Variants in KCNIP4 observed in about 807,000 individuals in gnomAD.
The protein encoded by KCNIP4 is Kv channel-interacting protein 4.
In KCNIP4, 12 loss-of-function variants were observed where a neutral mutation model predicts 34.0. The observed-to-expected ratio is 0.35, with a 90% confidence interval of 0.23 to 0.57. The LOEUF is 0.57. Ranked by LOEUF, KCNIP4 falls within the 20% of genes least tolerant of loss-of-function variation. KCNIP4 has a pLI of 0.83. For missense variants in KCNIP4, 238 were observed against 311.7 expected (o/e 0.76, Z 1.78); for synonymous variants, 124 against 102.2 (o/e 1.21, Z -1.29).
In KCNIP4 at chr4:21,948,751, C is replaced by G. The variant is rs918093641; in HGVS notation, c.-120G>C. On this transcript the variant is annotated 5_prime_UTR_variant, in exon 1 of 9. Coordinates refer to ENST00000382152, the MANE Select transcript of KCNIP4 (RefSeq NM_025221.6). The stretch of plus-strand genomic sequence containing the variant: ...CCGGGGGCGTCCGTGGCGCTGGGAG[C>G]GAGAGCTTCGGCGGCGGCTGCGGGC... 8.2e-5 allele frequency: 99 copies of G among 1,204,188 alleles called. No homozygotes were observed. Among genetic ancestry groups the G allele is most frequent in the Non-Finnish European group, 9.6e-5 (92 of 958,124 alleles). The allele number at this position is 1,204,188 out of a possible 1,614,324, so 74.6% of individuals were successfully genotyped here. A position where few individuals can be genotyped will look rare whatever the true frequency, so the allele number is the denominator to read the frequency against.
At chr4:21,300,840 A>G (rs747084659) in intron 1 of KCNIP4, among the ~76,000 whole-genome samples, 19 of 152,114 alleles carry the variant, frequency 1.2e-4, no homozygotes, top group Non-Finnish European at 1.9e-4. Flanking sequence ...TCAAATTTTA[A>G]TTTCCTGTTA....
intron 1 of KCNIP4, among the ~76,000 whole-genome samples, chr4:21,202,004 T>C (rs1053092462): frequency 6.6e-6 from 1 of 152,226 alleles, no homozygotes; most frequent in Non-Finnish European, 1.5e-5. Flanking sequence ...AGAGAATGCT[T>C]ATGCACTATT....
At chr4:20,863,012 A>C (rs1484920526) in intron 2 of KCNIP4, among the ~76,000 whole-genome samples, 1 of 152,060 alleles carries the variant, frequency 6.6e-6, no homozygotes, top group Admixed American at 6.6e-5. Context: ...AAAAATAACT[A>C]ATCAGTACTA....
intron 1 of KCNIP4, among the ~76,000 whole-genome samples, chr4:21,106,237 G>T (rs138557695): frequency 0.14 from 21,807 of 151,512 alleles, 1,891 homozygotes; most frequent in East Asian, 0.23. Flanking sequence ...GGACTCTTTG[G>T]TTGGTAAGCT....
At chr4:21,438,124 T>C (rs1027518030) in intron 1 of KCNIP4, among the ~76,000 whole-genome samples, 4 of 152,180 alleles carry the variant, frequency 2.6e-5, no homozygotes, top group Non-Finnish European at 4.4e-5. Context: ...AAAGTTTCTG[T>C]CTTATAAATC....
chr4:21,542,705 T>C (rs1444676059), intron 1 of KCNIP4, among the ~76,000 whole-genome samples: 3 of 150,310 alleles, frequency 2.0e-5, no homozygotes, highest in Non-Finnish European at 4.4e-5. Context: ...TATAAAAATA[T>C]ATATATAAAT....
intron 3 of KCNIP4, among the ~76,000 whole-genome samples, chr4:20,803,074 C>CAAAA (rs4054902): frequency 2.6e-5 from 2 of 78,330 alleles, no homozygotes; most frequent in East Asian, 3.4e-4. Flanking sequence ...GACTCTGCCT[C>CAAAA]AAAAAAAAAA....
At chr4:21,206,474 G>A (rs1756860158) in intron 1 of KCNIP4, among the ~76,000 whole-genome samples, 1 of 152,156 alleles carries the variant, frequency 6.6e-6, no homozygotes. Context: ...TGCTGGTTTG[G>A]AGGAAGGTTA....
chr4:21,072,411 T>C (rs77471869), intron 1 of KCNIP4, among the ~76,000 whole-genome samples: 3,310 of 152,304 alleles, frequency 0.022, 133 homozygotes, highest in African/African-American at 0.075. Flanking sequence ...GAACATTTTT[T>C]CATGTGTCTG....
At chr4:21,875,586 T>A (rs1230087528) in intron 1 of KCNIP4, among the ~76,000 whole-genome samples, 1 of 152,188 alleles carries the variant, frequency 6.6e-6, no homozygotes, top group East Asian at 1.9e-4. Context: ...ACTTAATAAG[T>A]ATTATAATCA....
At chr4:20,950,585 C>T (rs1326782204) in intron 1 of KCNIP4, among the ~76,000 whole-genome samples, 1 of 152,072 alleles carries the variant, frequency 6.6e-6, no homozygotes, top group Non-Finnish European at 1.5e-5. Context: ...CAAGTTGATG[C>T]AATCAGTACT....
At chr4:21,871,950 C>G (rs1273507643) in intron 1 of KCNIP4, among the ~76,000 whole-genome samples, 1 of 151,886 alleles carries the variant, frequency 6.6e-6, no homozygotes, top group African/African-American at 2.4e-5. Flanking sequence ...TTTCCCTGCA[C>G]CAATTGGAAT....
chr4:21,106,617 A>C (rs577322131), intron 1 of KCNIP4, among the ~76,000 whole-genome samples: 2 of 151,342 alleles, frequency 1.3e-5, no homozygotes, highest in South Asian at 4.2e-4. Flanking sequence ...CTCTGATTTT[A>C]GTTATTTCCT....
chr4:20,959,054 AG>A (rs951018858), intron 1 of KCNIP4, among the ~76,000 whole-genome samples: 1 of 152,212 alleles, frequency 6.6e-6, no homozygotes, highest in Non-Finnish European at 1.5e-5. Context: ...CAGATGGAAA[AG>A]GTTCCATTTA....
At chr4:20,845,396 T>A (rs1002058470) in intron 3 of KCNIP4, among the ~76,000 whole-genome samples, 1 of 152,168 alleles carries the variant, frequency 6.6e-6, no homozygotes, top group Non-Finnish European at 1.5e-5. Flanking sequence ...CACCTTGTGA[T>A]AATGCACCTT....
chr4:21,088,155 C>G (rs1746641781), intron 1 of KCNIP4, among the ~76,000 whole-genome samples: 1 of 152,020 alleles, frequency 6.6e-6, no homozygotes, highest in African/African-American at 2.4e-5. Context: ...GAAATTGCAC[C>G]ATAATTTACC....
chr4:20,962,432 T>C (rs941789046), intron 1 of KCNIP4, among the ~76,000 whole-genome samples: 1 of 152,194 alleles, frequency 6.6e-6, no homozygotes, highest in African/African-American at 2.4e-5. Flanking sequence ...TTCTTCTCGT[T>C]GCCCATGTTT....
chr4:21,365,369 C>T (rs911047982), intron 1 of KCNIP4, among the ~76,000 whole-genome samples: 1 of 151,770 alleles, frequency 6.6e-6, no homozygotes, highest in African/African-American at 2.4e-5. Context: ...CCTGTAATCC[C>T]AGCTACTCTG....
chr4:21,039,796 TTTAA>T (rs562658447), intron 1 of KCNIP4, among the ~76,000 whole-genome samples: 2 of 152,340 alleles, frequency 1.3e-5, no homozygotes, highest in Admixed American at 6.5e-5. Context: ...TAAATGCTCA[TTTAA>T]TTAATTAATA....
Sources: gnomAD v4.1 joint callset for allele counts (sites outside exome capture counted in the v4.1 genomes callset) on GRCh38, gnomAD v4.1.1 for gene constraint, MANE v1.5 for transcripts, NCBI Gene and HGNC (gene_info 2026-07-23, HGNC 2026-07-21) for gene names.